ST6GAL1: variants seen among roughly 807,000 people sequenced by gnomAD.
ST6GAL1 encodes ST6 beta-galactoside alpha-2,6-sialyltransferase 1.
Under a neutral mutation model 38.0 loss-of-function variants are expected in ST6GAL1, and 20 were observed. That is an observed-to-expected ratio of 0.53 (90% CI 0.37 to 0.77). The LOEUF (loss-of-function observed/expected upper bound fraction) is 0.77. Among genes scored for constraint, ST6GAL1 ranks in the 30% least tolerant of loss-of-function variants. ST6GAL1 has a pLI of 0.00. For synonymous variants in ST6GAL1, 196 were observed against 188.2 expected (o/e 1.04, Z -0.34); for missense variants, 432 against 496.4 (o/e 0.87, Z 1.23).
At chr3:187,042,503 C>T (rs1357127534) in intron 3 of ST6GAL1, among the ~76,000 whole-genome samples, 151 bp from the exon 4 acceptor site, 1 of 151,824 alleles carries the variant, frequency 6.6e-6, no homozygotes, top group Non-Finnish European at 1.5e-5. Flanking sequence ...TCGAGAATTG[C>T]TTAACAGGCT....
chr3:186,932,570 A>C (rs1236829741), intron 1 of ST6GAL1, among the ~76,000 whole-genome samples: 3 of 152,178 alleles, frequency 2.0e-5, no homozygotes, highest in Non-Finnish European at 4.4e-5. Flanking sequence ...CCTTCCCCTC[A>C]AATTGGAATA....
chr3:186,973,403 G>A (rs1715415178), intron 2 of ST6GAL1, among the ~76,000 whole-genome samples: 1 of 152,208 alleles, frequency 6.6e-6, no homozygotes, highest in African/African-American at 2.4e-5. Context: ...AGAGGCAGGA[G>A]GAGGATGACA....
At chr3:187,063,876 T>C (rs1719005281) in intron 5 of ST6GAL1, among the ~76,000 whole-genome samples, 2 of 152,190 alleles carry the variant, frequency 1.3e-5, no homozygotes, top group Admixed American at 1.3e-4. Flanking sequence ...TTCCCTTACT[T>C]GTAACACAGA....
intron 1 of ST6GAL1, among the ~76,000 whole-genome samples, chr3:186,958,451 A>C (rs1458426546): frequency 2.6e-5 from 4 of 152,024 alleles, no homozygotes; most frequent in African/African-American, 9.7e-5. Flanking sequence ...ATAGGAAGTT[A>C]GTGAATAATA....
intron 2 of ST6GAL1, among the ~76,000 whole-genome samples, chr3:187,027,864 A>G (rs993755734): frequency 2.0e-5 from 3 of 152,180 alleles, no homozygotes; most frequent in Non-Finnish European, 4.4e-5. Context: ...CGAGACCAGT[A>G]AGGCATTACC....
At chr3:186,969,061 T>C (rs1322782004) in intron 2 of ST6GAL1, among the ~76,000 whole-genome samples, 1 of 148,606 alleles carries the variant, frequency 6.7e-6, no homozygotes, top group African/African-American at 2.5e-5. Context: ...CTTTTTTTTT[T>C]TTTTTTTTGA....
intron 4 of ST6GAL1, among the ~76,000 whole-genome samples, chr3:187,049,280 G>A (rs1254114621): frequency 1.3e-5 from 2 of 152,212 alleles, no homozygotes; most frequent in Non-Finnish European, 2.9e-5. Flanking sequence ...TGGCATTAAA[G>A]CTGAGAAGAA....
intron 2 of ST6GAL1, among the ~76,000 whole-genome samples, chr3:187,015,260 T>G (rs1210438177): frequency 6.6e-6 from 1 of 152,234 alleles, no homozygotes; most frequent in East Asian, 1.9e-4. Context: ...CTTAGCAGAC[T>G]TAGGCTGTTT....
Position 187,046,464 on chromosome 3 carries a change from A to G in ST6GAL1, c.607+3154A>G, listed in dbSNP as rs183775975. Among the ~76,000 whole-genome samples, 349 of 152,352 alleles carry G rather than the reference A, an allele frequency of 2.3e-3. 1 individual carries two copies. Among genetic ancestry groups the G allele is most frequent in the Non-Finnish European group, 3.6e-3 (247 of 68,018 alleles). On this transcript the variant is annotated intron_variant, in intron 4 of 7. Transcript: ENST00000169298. ...TTTACAAGTCATTTGTATCAAGGTG[A>G]GATAATGGTTATAATCCAGGGAAGA... is the stretch of plus-strand genomic sequence containing the variant.
At chr3:186,939,041 G>A (rs1434455726) in intron 1 of ST6GAL1, among the ~76,000 whole-genome samples, 1 of 125,050 alleles carries the variant, frequency 8.0e-6, no homozygotes, top group Admixed American at 7.4e-5. Flanking sequence ...TGGGAGTGAG[G>A]AGAGAGACAG....
intron 2 of ST6GAL1, among the ~76,000 whole-genome samples, chr3:187,000,040 G>A (rs972530092): frequency 6.6e-6 from 1 of 151,450 alleles, no homozygotes; most frequent in South Asian, 2.1e-4. Context: ...TTGGCCAGAC[G>A]GATCTTGAAC....
chr3:187,007,223 G>C (rs114664200), intron 2 of ST6GAL1, among the ~76,000 whole-genome samples: 1,580 of 152,304 alleles, frequency 0.01, 16 homozygotes, highest in Non-Finnish European at 0.016. Flanking sequence ...GGAAGCAGGG[G>C]GGAAAAGCCA....
chr3:186,953,929 C>A (rs1377844427), intron 1 of ST6GAL1, among the ~76,000 whole-genome samples: 1 of 151,854 alleles, frequency 6.6e-6, no homozygotes, highest in South Asian at 2.1e-4. Flanking sequence ...ATCAACCCAT[C>A]ACCTAGGTAT....
intron 2 of ST6GAL1, among the ~76,000 whole-genome samples, chr3:187,017,482 G>A (rs906973456): frequency 7.2e-5 from 11 of 151,768 alleles, no homozygotes; most frequent in Admixed American, 2.0e-4. Context: ...GAGATTAGGG[G>A]TGGGAGGGCA....
intron 2 of ST6GAL1, among the ~76,000 whole-genome samples, chr3:186,988,321 T>C (rs112541772): frequency 5.8e-4 from 89 of 152,220 alleles, no homozygotes; most frequent in South Asian, 5.8e-3. Context: ...GGGATAATGC[T>C]TCCTCAGCTC....
At chr3:186,960,013 A>G (rs768732637) in intron 1 of ST6GAL1, among the ~76,000 whole-genome samples, 1 of 152,088 alleles carries the variant, frequency 6.6e-6, no homozygotes, top group Non-Finnish European at 1.5e-5. Flanking sequence ...AACACAGAGC[A>G]CTCGAGCAAT....
chr3:187,003,226 C>G (rs188058757), intron 2 of ST6GAL1, among the ~76,000 whole-genome samples: 15 of 152,350 alleles, frequency 9.8e-5, no homozygotes, highest in Admixed American at 8.5e-4. Context: ...TCAAGGCAGT[C>G]AGACAGGAGG....
chr3:187,035,098 T>C (rs1053724899), intron 2 of ST6GAL1, among the ~76,000 whole-genome samples: 1 of 152,130 alleles, frequency 6.6e-6, no homozygotes, highest in Non-Finnish European at 1.5e-5. Context: ...GGCATTTCCA[T>C]AACCAGTAAT....
intron 2 of ST6GAL1, among the ~76,000 whole-genome samples, chr3:186,995,406 T>C (rs1400325298): frequency 6.7e-6 from 1 of 149,556 alleles, no homozygotes; most frequent in African/African-American, 2.5e-5. Flanking sequence ...CTTGGGAGGC[T>C]GAGGCAGGAG....
Sources: gnomAD v4.1 joint callset for allele counts (sites outside exome capture counted in the v4.1 genomes callset) on GRCh38, gnomAD v4.1.1 for gene constraint, MANE v1.5 for transcripts, NCBI Gene and HGNC (gene_info 2026-07-23, HGNC 2026-07-21) for gene names.